JAKMIP1: variants seen among roughly 807,000 people sequenced by gnomAD.
JAKMIP1 encodes janus kinase and microtubule interacting protein 1, also known as janus kinase and microtubule-interacting protein 1.
JAKMIP1 carries 33 observed loss-of-function variants against 113.0 expected under a neutral mutation model. The ratio of observed to expected loss-of-function variants is 0.29; its 90% CI spans 0.22 to 0.39. JAKMIP1 has a LOEUF of 0.39. JAKMIP1 is among the 10% of genes least tolerant of loss of function. The probability of loss-of-function intolerance (pLI) is 1.00; values close to 1 mark genes in which losing one functional copy is unlikely to be tolerated. For synonymous variants in JAKMIP1, 480 were observed against 459.9 expected (o/e 1.04, Z -0.56); for missense variants, 813 against 1,080.5 (o/e 0.75, Z 3.47).
rs1560230979 is a variant in JAKMIP1, at chr4:6,125,848, CCCCCCAT to C, written c.-147-12858_-147-12852del. ...CACACCATGCAGAAACACACACACA[CCCCCCAT>C]ACAGAAACTCGCGCCATACACTCCA... On this transcript the variant is annotated intron_variant, in intron 1 of 20. Coordinates refer to ENST00000409021, the MANE Select transcript of JAKMIP1 (RefSeq NM_001099433.2). Among the ~76,000 whole-genome samples the C allele has an allele frequency of 7.2e-3, 104 of 14,358 alleles. 34 individuals are homozygous for C. Among genetic ancestry groups the C allele is most frequent in the Non-Finnish European group, 9.9e-3 (71 of 7,180 alleles). 9.4% of individuals were successfully genotyped at this position (14,358 alleles called of 152,430 possible). A position where few individuals can be genotyped will look rare whatever the true frequency, so the allele number is the denominator to read the frequency against.
At chr4:6,037,775 A>C (rs1713719909) in intron 18 of JAKMIP1, among the ~76,000 whole-genome samples, 1 of 148,342 alleles carries the variant, frequency 6.7e-6, no homozygotes, top group Admixed American at 6.7e-5. Context: ...ACTGAGTCAG[A>C]GGTTAACCCA....
Position 6,049,766 on chromosome 4 carries a change from A to G in JAKMIP1, c.1962+53T>C. On this transcript the variant is annotated intron_variant, in intron 15 of 20. Transcript: ENST00000409021. This position sits in a 1 kb window ranked among gnomAD's most constrained non-coding sequence, Gnocchi z 7.0. Reference sequence around the variant, plus strand: ...AAACAAAACAAAAGTCACACAGAATACACCCAGATCAAAACAAGAACACGA... The same window carrying G: ...AAACAAAACAAAAGTCACACAGAATGCACCCAGATCAAAACAAGAACACGA... 7.6e-7 allele frequency: 1 copy of G among 1,307,696 alleles called. No individual in the cohort carries two copies. Among genetic ancestry groups the G allele is most frequent in the Non-Finnish European group, 1.1e-6 (1 of 902,940 alleles). 81.0% of individuals were successfully genotyped at this position (1,307,696 alleles called of 1,614,324 possible).
At chr4:6,103,997 C>T (rs1403451099) in intron 3 of JAKMIP1, among the ~76,000 whole-genome samples, 1 of 152,102 alleles carries the variant, frequency 6.6e-6, no homozygotes, top group East Asian at 1.9e-4. Flanking sequence ...CTTCCTTCTA[C>T]TCTCTGGAGT....
chr4:6,166,443 G>A (rs1723643719), intron 1 of JAKMIP1, among the ~76,000 whole-genome samples: 1 of 152,186 alleles, frequency 6.6e-6, no homozygotes, highest in Non-Finnish European at 1.5e-5. Flanking sequence ...AAGTGAAGAT[G>A]CCCCTTCCCT....
intron 12 of JAKMIP1, among the ~76,000 whole-genome samples, chr4:6,055,976 G>A (rs1355189650): frequency 6.7e-6 from 1 of 149,192 alleles, no homozygotes; most frequent in Non-Finnish European, 1.5e-5. Flanking sequence ...TGTCCCCAGA[G>A]GACAGGCCAG....
intron 3 of JAKMIP1, among the ~76,000 whole-genome samples, chr4:6,096,661 C>T (rs531303280): frequency 1.2e-4 from 18 of 152,328 alleles, no homozygotes; most frequent in African/African-American, 4.3e-4. Flanking sequence ...TCCCACATAA[C>T]TTTTACCCTG....
chr4:6,171,892 C>G (rs1304174641), intron 1 of JAKMIP1, among the ~76,000 whole-genome samples: 1 of 152,178 alleles, frequency 6.6e-6, no homozygotes, highest in Non-Finnish European at 1.5e-5. Context: ...CTGTTTCAAA[C>G]CTGGTGATGT....
rs1317666626 is a variant in JAKMIP1, at chr4:6,042,298, C to T, written c.2029-71G>A. ...GAACCCAAGGGGCTGTGGAATTTCA[C>T]AGGTGTGTGAATTTCATAGATCGGC... is the stretch of plus-strand genomic sequence containing the variant. On this transcript the variant is annotated intron_variant, in intron 16 of 20. Coordinates refer to ENST00000409021, the MANE Select transcript of JAKMIP1 (RefSeq NM_001099433.2). This position sits in a 1 kb window ranked among gnomAD's most constrained non-coding sequence, Gnocchi z 5.2. The T allele has an allele frequency of 8.0e-7, 1 of 1,251,082 alleles. No homozygotes were observed. The allele number at this position is 1,251,082 out of a possible 1,614,324, so 77.5% of individuals were successfully genotyped here. A position where few individuals can be genotyped will look rare whatever the true frequency, so the allele number is the denominator to read the frequency against.
chr4:6,120,719 T>A (rs1342459435), intron 1 of JAKMIP1, among the ~76,000 whole-genome samples: 1 of 152,222 alleles, frequency 6.6e-6, no homozygotes, highest in East Asian at 1.9e-4. Flanking sequence ...GGTTCTCTTT[T>A]GAGCAGAACT....
intron 1 of JAKMIP1, among the ~76,000 whole-genome samples, chr4:6,115,968 C>G (rs915146170): frequency 6.6e-6 from 1 of 152,132 alleles, no homozygotes; most frequent in Non-Finnish European, 1.5e-5. Flanking sequence ...TACCCCGTGC[C>G]CAGCCCAAAG....
intron 19 of JAKMIP1, among the ~76,000 whole-genome samples, chr4:6,034,398 G>T (rs1713131259): frequency 6.6e-6 from 1 of 152,124 alleles, no homozygotes; most frequent in Non-Finnish European, 1.5e-5. Flanking sequence ...TGCCTAAGCT[G>T]AACCACACCA....
At chr4:6,054,655 G>A (rs1400226663) in intron 12 of JAKMIP1, 4 of 437,582 alleles carry the variant, frequency 9.1e-6, no homozygotes, top group African/African-American at 2.0e-5. Context: ...GGAGTTCTCT[G>A]AGAGCGCAGA....
At chr4:6,109,590 C>G (rs1381289326) in intron 2 of JAKMIP1, among the ~76,000 whole-genome samples, 1 of 151,910 alleles carries the variant, frequency 6.6e-6, no homozygotes, top group African/African-American at 2.4e-5. Context: ...CTGTGAGGCT[C>G]TGTACCCATG....
At chr4:6,159,426 A>T (rs1260245813) in intron 1 of JAKMIP1, among the ~76,000 whole-genome samples, 1 of 152,242 alleles carries the variant, frequency 6.6e-6, no homozygotes, top group Non-Finnish European at 1.5e-5. Context: ...GGAAGAAAAA[A>T]ATCTGTGACA....
intron 16 of JAKMIP1, among the ~76,000 whole-genome samples, chr4:6,047,525 G>C (rs1715151820): frequency 6.6e-6 from 1 of 152,214 alleles, no homozygotes; most frequent in African/African-American, 2.4e-5. Flanking sequence ...TTCACCAGAA[G>C]ACACAAGCTC....
intron 18 of JAKMIP1, among the ~76,000 whole-genome samples, chr4:6,036,632 T>A (rs1254769760): frequency 2.0e-5 from 3 of 152,196 alleles, no homozygotes; most frequent in East Asian, 3.9e-4. Flanking sequence ...GCCACCCTTT[T>A]TGGCAAAGCT....
chr4:6,164,792 G>A (rs1337896946), intron 1 of JAKMIP1, among the ~76,000 whole-genome samples: 1 of 152,226 alleles, frequency 6.6e-6, no homozygotes, highest in East Asian at 1.9e-4. Flanking sequence ...AAAAGCAAGA[G>A]AATTAGAATG....
intron 1 of JAKMIP1, among the ~76,000 whole-genome samples, chr4:6,196,159 C>T (rs900346682): frequency 1.3e-5 from 2 of 152,228 alleles, no homozygotes; most frequent in Non-Finnish European, 2.9e-5. Context: ...TAGGTGCTTT[C>T]ACCACGGGCC....
In JAKMIP1 at chr4:6,067,705, G is replaced by A. The variant is rs1718349706; in HGVS notation, c.1303-2697C>T. 7.1e-6 allele frequency among the ~76,000 whole-genome samples: 1 copy of A among 141,042 alleles called. No homozygotes were observed. Among genetic ancestry groups the A allele is most frequent in the Admixed American group, 7.1e-5 (1 of 14,086 alleles). The allele number at this position is 141,042 out of a possible 152,430, so 92.5% of individuals were successfully genotyped here. On this transcript the variant is annotated intron_variant, in intron 8 of 20. Transcript: ENST00000409021. This position sits in a 1 kb window ranked among gnomAD's most constrained non-coding sequence, Gnocchi z 4.6. Reference sequence around the variant, plus strand: ...TCACTCAAGCTCTTCTGCACACACAGGTCACCCCCCTGAGCTCCACGTTCA... The same window carrying A: ...TCACTCAAGCTCTTCTGCACACACAAGTCACCCCCCTGAGCTCCACGTTCA...
Sources: gnomAD v4.1 joint callset for allele counts (sites outside exome capture counted in the v4.1 genomes callset) on GRCh38, gnomAD v4.1.1 for gene constraint, Gnocchi (gnomAD v3.1) non-coding constraint, MANE v1.5 for transcripts, NCBI Gene and HGNC (gene_info 2026-07-23, HGNC 2026-07-21) for gene names.